PCNX1: variants seen among roughly 807,000 people sequenced by gnomAD.
PCNX1 encodes pecanex-like protein 1.
A neutral mutation model predicts 242.2 loss-of-function variants in PCNX1; 78 were observed. That is an observed-to-expected ratio of 0.32 (90% confidence interval 0.27 to 0.39). PCNX1 has a LOEUF of 0.39. PCNX1 is among the 10% of genes least tolerant of loss of function. The pLI, the probability that PCNX1 is intolerant of heterozygous loss-of-function variation, is 1.00. For missense variants in PCNX1, 2,581 were observed against 2,856.5 expected (o/e 0.90, Z 2.20); for synonymous variants, 1,024 against 1,032.9 (o/e 0.99, Z 0.17).
In PCNX1 at chr14:70,978,559, C is replaced by T. The variant is rs779154623; in HGVS notation, c.2222C>T (p.Ser741Phe). The T allele has an allele frequency of 2.2e-5, 35 of 1,613,948 alleles. No individual in the cohort carries two copies. Among genetic ancestry groups the T allele is most frequent in the African/African-American group, 4.0e-5 (3 of 74,896 alleles). The change falls in exon 6 of 36, where the codon TCC becomes TTC. Residue 741 changes from serine to phenylalanine, a missense_variant. Transcript: ENST00000304743. ...GAGCTATCTTTATTAGGACGGGCTT[C>T]CCAGTTAGAGACAGTCACTCGATCT... is the stretch of plus-strand genomic sequence containing the variant. ...LDELSLLGRA[S>F]QLETVTRSRN...
intron 6 of PCNX1, among the ~76,000 whole-genome samples, chr14:70,979,195 G>A (rs560387840): frequency 3.3e-5 from 5 of 151,910 alleles, no homozygotes; most frequent in Non-Finnish European, 5.9e-5. Flanking sequence ...TAGGCGTTAC[G>A]AAAATACTAT....
At chr14:71,054,195 C>A (rs1468200899) in intron 24 of PCNX1, among the ~76,000 whole-genome samples, 1 of 152,214 alleles carries the variant, frequency 6.6e-6, no homozygotes, top group Non-Finnish European at 1.5e-5. Context: ...AATATGGAAT[C>A]TAAAACCATA....
Position 71,035,539 on chromosome 14 carries a change from C to A in PCNX1, c.3775-526C>A, listed in dbSNP as rs144521220. On this transcript the variant is annotated intron_variant, in intron 18 of 35. Coordinates refer to ENST00000304743, the MANE Select transcript of PCNX1 (RefSeq NM_014982.3). ...TTGGGAGGCCAAGATGGGCGTATATCACTTGAGGTCAGGAGTTCGAGATCA... is the reference window on the plus strand; with the variant it reads ...TTGGGAGGCCAAGATGGGCGTATATAACTTGAGGTCAGGAGTTCGAGATCA... Among the ~76,000 whole-genome samples the A allele has an allele frequency of 0.011, 1,626 of 151,546 alleles. 101 individuals carry two copies. In the East Asian group the frequency reaches 0.23, roughly 21 times the overall value.
chr14:70,994,398 T>TATAG (rs2059269991), intron 7 of PCNX1, among the ~76,000 whole-genome samples: 1 of 26,022 alleles, frequency 3.8e-5, no homozygotes, highest in Non-Finnish European at 7.6e-5. Flanking sequence ...AGGCTTAAGA[T>TATAG]ATATATATAT....
intron 26 of PCNX1, among the ~76,000 whole-genome samples, chr14:71,064,090 T>A (rs1288333349): frequency 6.6e-6 from 1 of 152,124 alleles, no homozygotes; most frequent in Non-Finnish European, 1.5e-5. Flanking sequence ...TTCATGATTG[T>A]TTGTTTTATT....
In PCNX1 at chr14:70,943,596, A is replaced by G. The variant is rs545164496; in HGVS notation, c.154-3319A>G. Among the ~76,000 whole-genome samples, 5 of 152,350 alleles carry G rather than the reference A, an allele frequency of 3.3e-5. 1 individual carries two copies. The highest frequency in any genetic ancestry group is 1.2e-4 in the African/African-American group (5 of 41,586). On this transcript the variant is annotated intron_variant, in intron 1 of 35. Transcript: ENST00000304743. ...GGAAAATTTACAGCCTGATGATGCA[A>G]TAGAAAGCACAACCCCATTTTCTGG... is the stretch of plus-strand genomic sequence containing the variant.
intron 30 of PCNX1, among the ~76,000 whole-genome samples, chr14:71,101,638 C>A (rs139438339): frequency 1.1e-4 from 16 of 152,018 alleles, no homozygotes; most frequent in African/African-American, 3.9e-4. Flanking sequence ...TAGTTTTAGC[C>A]TTCCTTACCT....
At chr14:71,023,265 G>C (rs768294543) in intron 13 of PCNX1, 33 bp downstream of exon 13, 2 of 1,480,084 alleles carry the variant, frequency 1.4e-6, no homozygotes, top group Non-Finnish European at 1.9e-6. Flanking sequence ...GTACATTATA[G>C]GTCCTTAACA....
Position 70,912,953 on chromosome 14 carries a change from T to A in PCNX1, c.153+4950T>A, listed in dbSNP as rs112837672. On this transcript the variant is annotated intron_variant, in intron 1 of 35. Transcript: ENST00000304743. Reference sequence around the variant, plus strand: ...GCTACTTAATCTTTAGGGCTGGACTTCAGTATTATCCCCTCACAGAGGCTG... The same window carrying A: ...GCTACTTAATCTTTAGGGCTGGACTACAGTATTATCCCCTCACAGAGGCTG... 2.2e-4 allele frequency among the ~76,000 whole-genome samples: 34 copies of A among 152,348 alleles called. 3 individuals carry two copies. Among genetic ancestry groups the A allele is most frequent in the African/African-American group, 7.5e-4 (31 of 41,586 alleles).
chr14:71,007,530 A>G (rs2059701242), intron 8 of PCNX1, among the ~76,000 whole-genome samples: 1 of 152,176 alleles, frequency 6.6e-6, no homozygotes, highest in Admixed American at 6.5e-5. Context: ...ACATTTATGC[A>G]TTCTGTTCTT....
chr14:71,061,973 C>CT (rs933228202), intron 26 of PCNX1, among the ~76,000 whole-genome samples: 17 of 149,460 alleles, frequency 1.1e-4, no homozygotes, highest in African/African-American at 4.1e-4. Flanking sequence ...TTAGCAGAAG[C>CT]TTTAGCAGAA....
At chr14:71,055,231 T>C (rs2061149387) in intron 24 of PCNX1, among the ~76,000 whole-genome samples, 1 of 152,184 alleles carries the variant, frequency 6.6e-6, no homozygotes, top group Non-Finnish European at 1.5e-5. Flanking sequence ...GTCAGCTTTT[T>C]TCTCACAGTG....
rs750642409 is a variant in PCNX1, at chr14:70,910,207, GTCC to G, written c.153+2225_153+2227del. On this transcript the variant is annotated intron_variant, in intron 1 of 35. Transcript: ENST00000304743. The stretch of plus-strand genomic sequence containing the variant: ...CCTCCTCCTCCTCCTCCTCCTCCTC[GTCC>G]TCCTCCTCCTCCTCCTCCTCTCACC... Among the ~76,000 whole-genome samples, 42 of 13,166 alleles carry G rather than the reference GTCC, an allele frequency of 3.2e-3. 1 individual carries two copies. Among genetic ancestry groups the G allele is most frequent in the African/African-American group, 8.7e-3 (25 of 2,876 alleles). 8.6% of individuals were successfully genotyped at this position (13,166 alleles called of 152,430 possible).
intron 1 of PCNX1, among the ~76,000 whole-genome samples, chr14:70,925,851 A>G (rs1164946938): frequency 6.6e-6 from 1 of 152,096 alleles, no homozygotes; most frequent in African/African-American, 2.4e-5. Flanking sequence ...TCATGTTTAC[A>G]TAGATTGCCC....
intron 8 of PCNX1, among the ~76,000 whole-genome samples, 188 bp from the exon 9 acceptor site, chr14:71,009,446 C>G (rs1351309267): frequency 2.0e-5 from 3 of 152,314 alleles, no homozygotes; most frequent in East Asian, 1.9e-4. Context: ...ATGTTTTACC[C>G]TACTGTCCAA....
chr14:70,921,178 A>C (rs117329013), intron 1 of PCNX1, among the ~76,000 whole-genome samples: 2 of 152,172 alleles, frequency 1.3e-5, no homozygotes, highest in Admixed American at 6.6e-5. Context: ...CAGAAAACCT[A>C]AATAAACCAA....
chr14:71,055,900 A>G (rs1198684736), intron 25 of PCNX1, among the ~76,000 whole-genome samples: 1 of 152,190 alleles, frequency 6.6e-6, no homozygotes, highest in Admixed American at 6.5e-5. Flanking sequence ...CACATGTTTT[A>G]TTAGTATGTT....
intron 28 of PCNX1, among the ~76,000 whole-genome samples, chr14:71,081,324 A>G (rs2141542613): frequency 6.6e-6 from 1 of 152,234 alleles, no homozygotes; most frequent in Non-Finnish European, 1.5e-5. Context: ...ATTGGCCTGA[A>G]ATTTTCTGTT....
At position 70,977,816 on chromosome 14, in the gene PCNX1, T is replaced by C. The variant is rs1281592026; in HGVS notation, c.1479T>C (p.Asn493=). ...STSASEEANK[N]PHANEFTSQG... is the part of the protein sequence containing the mutation. ...CTGCATCTGAAGAAGCCAATAAAAA[T>C]CCCCATGCAAATGAATTTACTTCCC... The change falls in exon 6 of 36, where the codon AAT becomes AAC. Residue 493 remains asparagine, a synonymous_variant. Coordinates refer to ENST00000304743, the MANE Select transcript of PCNX1 (RefSeq NM_014982.3). 1 of 1,613,668 alleles carries C rather than the reference T, an allele frequency of 6.2e-7. No individual in the cohort carries two copies. The highest frequency in any genetic ancestry group is 8.5e-7 in the Non-Finnish European group (1 of 1,179,948).
Sources: allele counts gnomAD v4.1 joint callset (sites outside exome capture counted in the v4.1 genomes callset), GRCh38; gene constraint gnomAD v4.1.1; transcripts MANE v1.5; gene names NCBI Gene and HGNC (gene_info 2026-07-23, HGNC 2026-07-21).